The following ARHGEF10L variants were observed in gnomAD, a reference collection of about 807,000 sequenced individuals.
The protein encoded by ARHGEF10L is rho guanine nucleotide exchange factor 10-like protein.
Under a neutral mutation model 141.2 loss-of-function variants are expected in ARHGEF10L, and 69 were observed. The ratio of observed to expected loss-of-function variants is 0.49; its 90% CI spans 0.40 to 0.60. The LOEUF (loss-of-function observed/expected upper bound fraction) is 0.60, where lower values mean the gene tolerates loss of function less well. ARHGEF10L is among the 20% of genes least tolerant of loss of function. The pLI is 0.00. For missense variants in ARHGEF10L, 1,482 were observed against 1,734.3 expected, an observed-to-expected ratio of 0.85 and a Z score of 2.58; for synonymous variants, 711 against 718.5, an observed-to-expected ratio of 0.99 and a Z score of 0.17.
intron 14 of ARHGEF10L, among the ~76,000 whole-genome samples, chr1:17,626,723 C>T (rs1180798951): frequency 6.6e-6 from 1 of 152,236 alleles, no homozygotes; most frequent in Non-Finnish European, 1.5e-5. Context: ...AGAACTTTCT[C>T]ATCATCCTGA....
At chr1:17,571,508 CA>C (rs2077999039) in intron 1 of ARHGEF10L, among the ~76,000 whole-genome samples, 1 of 151,996 alleles carries the variant, frequency 6.6e-6, no homozygotes, top group Admixed American at 6.6e-5. Context: ...ATCAGATGAG[CA>C]GTAATGCAGC....
At chr1:17,596,437 G>T (rs1359956143) in intron 4 of ARHGEF10L, among the ~76,000 whole-genome samples, 1 of 152,196 alleles carries the variant, frequency 6.6e-6, no homozygotes, top group Non-Finnish European at 1.5e-5. Context: ...TGCAGCTTGG[G>T]TTTTCCTTGA....
chr1:17,593,127 T>C (rs2079725908), intron 4 of ARHGEF10L, among the ~76,000 whole-genome samples: 1 of 152,190 alleles, frequency 6.6e-6, no homozygotes, highest in African/African-American at 2.4e-5. Flanking sequence ...GGCACATCTC[T>C]TCATGGTATA....
chr1:17,621,241 C>CT lies in ARHGEF10L; in HGVS notation c.943-614dup, dbSNP rs889664909. Among the ~76,000 whole-genome samples, 10 of 151,456 alleles carry CT rather than the reference C, an allele frequency of 6.6e-5. No individual in the cohort carries two copies. Among genetic ancestry groups the CT allele is most frequent in the African/African-American group, 9.7e-5 (4 of 41,222 alleles). Reference sequence around the variant, plus strand: ...TAATGCTAAGACAGAATTTTCTTTTCTTTTTTTTTGAGATGGAGTCTTGCT... The same window carrying CT: ...TAATGCTAAGACAGAATTTTCTTTTCTTTTTTTTTTGAGATGGAGTCTTGCT... On this transcript the variant is annotated intron_variant, in intron 10 of 28. Coordinates refer to ENST00000361221, the MANE Select transcript of ARHGEF10L (RefSeq NM_018125.4). This position sits in a 1 kb window ranked among gnomAD's most constrained non-coding sequence, Gnocchi z 4.1.
At chr1:17,599,707 A>T (rs139215969) in intron 4 of ARHGEF10L, among the ~76,000 whole-genome samples, 2 of 152,210 alleles carry the variant, frequency 1.3e-5, no homozygotes, top group Admixed American at 1.3e-4. Context: ...ATTGGTGGAA[A>T]GTGTCTCCCC....
chr1:17,665,526 T>C (rs2062919581), intron 26 of ARHGEF10L, among the ~76,000 whole-genome samples: 1 of 152,172 alleles, frequency 6.6e-6, no homozygotes. Flanking sequence ...TGGCTTGCTT[T>C]TCTGGTGTTG....
At chr1:17,694,843 T>C (rs922518712) in intron 27 of ARHGEF10L, 7 of 509,426 alleles carry the variant, frequency 1.4e-5, no homozygotes, top group African/African-American at 7.6e-5. Context: ...CCGGATGACC[T>C]GGCCGCCGTG....
At chr1:17,634,187 A>G in intron 16 of ARHGEF10L, 1 of 383,146 alleles carries the variant, frequency 2.6e-6, no homozygotes, top group Non-Finnish European at 4.7e-6. Context: ...CGGCGGTATG[A>G]TGAATACCCT....
chr1:17,610,758 C>T (rs2059507264), intron 7 of ARHGEF10L, among the ~76,000 whole-genome samples: 1 of 152,204 alleles, frequency 6.6e-6, no homozygotes, highest in South Asian at 2.1e-4. Flanking sequence ...CATGGCCAGG[C>T]ACCCTGCCCA....
chr1:17,522,200 C>T, the ARHGEF10L span, among the ~76,000 whole-genome samples: 8 of 152,302 alleles, frequency 5.3e-5, no homozygotes, highest in Admixed American at 4.6e-4. Context: ...ACATTTTGGC[C>T]TCCTGGAGTG....
rs874196 is a variant in ARHGEF10L, at chr1:17,635,222, A to G, written c.1927+206A>G. ...GCCTCACCTGGGTGTGCGCAGGTGCATCTCCCAATCCACACACTTTGCTCC... is the reference window on the plus strand; with the variant it reads ...GCCTCACCTGGGTGTGCGCAGGTGCGTCTCCCAATCCACACACTTTGCTCC... On this transcript the variant is annotated intron_variant, in intron 18 of 28. Coordinates refer to ENST00000361221, the MANE Select transcript of ARHGEF10L (RefSeq NM_018125.4). Among the ~76,000 whole-genome samples, 6,980 of 152,094 alleles carry G rather than the reference A, an allele frequency of 0.046. 531 individuals carry two copies. Among genetic ancestry groups the G allele is most frequent in the African/African-American group, 0.16 (6,592 of 41,446 alleles).
rs74059346 is a variant in ARHGEF10L at position 17,610,496 on chromosome 1, G to C, written c.609+2519G>C. Among the ~76,000 whole-genome samples the C allele has an allele frequency of 9.9e-3, 1,501 of 152,328 alleles. 23 individuals carry two copies. Among genetic ancestry groups the C allele is most frequent in the African/African-American group, 0.034 (1,429 of 41,576 alleles). On this transcript the variant is annotated intron_variant, in intron 7 of 28. Transcript: ENST00000361221. ...CCAAGGCCCACCTGCTCGCTGATCA[G>C]CAGGCTCCTAGGGAGACAGGAGGTT...
chr1:17,547,123 A>G (rs2076946244), intron 1 of ARHGEF10L, among the ~76,000 whole-genome samples: 1 of 152,162 alleles, frequency 6.6e-6, no homozygotes, highest in African/African-American at 2.4e-5. Flanking sequence ...TATGCTATGG[A>G]AAATGGGGAA....
At chr1:17,636,753 C>T (rs1488055376) in intron 18 of ARHGEF10L, among the ~76,000 whole-genome samples, 3 of 152,142 alleles carry the variant, frequency 2.0e-5, no homozygotes, top group Admixed American at 2.0e-4. Context: ...TGGCTTTAAA[C>T]TCATTCCACA....
chr1:17,686,298 G>A (rs1051808623), intron 26 of ARHGEF10L, among the ~76,000 whole-genome samples: 1 of 152,080 alleles, frequency 6.6e-6, no homozygotes, highest in African/African-American at 2.4e-5. Context: ...GAGTGTTGTA[G>A]ATAGAATTCA....
the ARHGEF10L span, among the ~76,000 whole-genome samples, chr1:17,522,482 A>AC: frequency 2.0e-5 from 3 of 150,402 alleles, no homozygotes; most frequent in Admixed American, 1.3e-4. Context: ...TGCCTCCCCA[A>AC]CCCCCCGACC....
chr1:17,549,137 C>G (rs1194062718), intron 1 of ARHGEF10L, among the ~76,000 whole-genome samples: 1 of 151,936 alleles, frequency 6.6e-6, no homozygotes, highest in Non-Finnish European at 1.5e-5. Flanking sequence ...ATTCTCCAGC[C>G]TCAGCCTCCT....
chr1:17,656,546 C>T lies in ARHGEF10L; in HGVS notation c.2706-8C>T. ...TGTCATGACCGCTTCTCCAACCTCT[C>T]CCCGCAGCATCCTCCTCTACAGCAG... On this transcript the variant is annotated splice_polypyrimidine_tract_variant and splice_region_variant and intron_variant, in intron 24 of 28. Coordinates refer to ENST00000361221, the MANE Select transcript of ARHGEF10L (RefSeq NM_018125.4). This position sits in a 1 kb window ranked among gnomAD's most constrained non-coding sequence, Gnocchi z 4.9. 1.2e-6 allele frequency: 2 copies of T among 1,606,330 alleles called. No homozygotes were observed. Among genetic ancestry groups the T allele is most frequent in the South Asian group, 1.1e-5 (1 of 90,686 alleles).
the ARHGEF10L span, among the ~76,000 whole-genome samples, chr1:17,518,722 G>A: frequency 1.3e-5 from 2 of 151,036 alleles, no homozygotes; most frequent in African/African-American, 4.9e-5. Context: ...AACCTGGGAG[G>A]CGGAGGTTGC....
Sources: gnomAD v4.1 joint callset for allele counts (sites outside exome capture counted in the v4.1 genomes callset) on GRCh38, gnomAD v4.1.1 for gene constraint, Gnocchi (gnomAD v3.1) non-coding constraint, MANE v1.5 for transcripts, NCBI Gene and HGNC (gene_info 2026-07-23, HGNC 2026-07-21) for gene names.